FTCDNL1: variants seen among roughly 807,000 people sequenced by gnomAD.
FTCDNL1 encodes formiminotransferase cyclodeaminase N-terminal like.
In FTCDNL1, 11 loss-of-function variants were observed where a neutral mutation model predicts 5.9. The ratio of observed to expected loss-of-function variants is 1.87; its 90% CI spans 1.18 to 3.10. The LOEUF (loss-of-function observed/expected upper bound fraction) is 3.10. Ranked by LOEUF, FTCDNL1 falls within the 30% of genes most tolerant of loss-of-function variation. FTCDNL1 has a pLI of 0.00. For synonymous variants in FTCDNL1, 58 were observed against 24.8 expected, an observed-to-expected ratio of 2.34 and a Z score of -3.99; for missense variants, 115 against 65.5, an observed-to-expected ratio of 1.76 and a Z score of -2.61.
the FTCDNL1 span, among the ~76,000 whole-genome samples, chr2:199,683,301 C>T: frequency 6.6e-6 from 1 of 151,906 alleles, no homozygotes; most frequent in Non-Finnish European, 1.5e-5. Context: ...AAATAAAGAG[C>T]AGAGAGGACA....
chr2:199,798,261 T>C (rs898615962), intron 3 of FTCDNL1, among the ~76,000 whole-genome samples: 9 of 152,236 alleles, frequency 5.9e-5, no homozygotes, highest in Admixed American at 2.6e-4. Context: ...AATTCAGCTA[T>C]TGGTACATTA....
chr2:199,754,376 C>G, the FTCDNL1 span, among the ~76,000 whole-genome samples: 1 of 152,122 alleles, frequency 6.6e-6, no homozygotes, highest in African/African-American at 2.4e-5. Context: ...ATGGGCTGAA[C>G]TGTGGAAGTG....
chr2:199,780,549 C>T (rs1438173935), intron 3 of FTCDNL1, among the ~76,000 whole-genome samples: 3 of 152,334 alleles, frequency 2.0e-5, no homozygotes, highest in South Asian at 4.1e-4. Context: ...TGCTTCTCTT[C>T]CTGCTTCTGC....
intron 3 of FTCDNL1, among the ~76,000 whole-genome samples, chr2:199,795,898 T>A (rs906380988): frequency 3.3e-5 from 5 of 152,194 alleles, no homozygotes; most frequent in Non-Finnish European, 7.3e-5. Flanking sequence ...TCTCTTAATG[T>A]CAAGCTCTTA....
chr2:199,725,107 G>A, the FTCDNL1 span, among the ~76,000 whole-genome samples: 4 of 152,134 alleles, frequency 2.6e-5, no homozygotes, highest in Non-Finnish European at 2.9e-5. Context: ...AGCTCTTCTT[G>A]TTGAATTGAA....
chr2:199,842,246 C>T (rs538901206), intron 3 of FTCDNL1, among the ~76,000 whole-genome samples: 218 of 152,018 alleles, frequency 1.4e-3, no homozygotes, highest in Non-Finnish European at 2.6e-3. Context: ...CCACCCTGGG[C>T]GACAGAGCAA....
intron 3 of FTCDNL1, among the ~76,000 whole-genome samples, chr2:199,796,839 T>C (rs1421575216): frequency 6.6e-6 from 1 of 152,118 alleles, no homozygotes; most frequent in Non-Finnish European, 1.5e-5. Context: ...AAATATTTAA[T>C]AGTCTTTTAA....
intron 3 of FTCDNL1, among the ~76,000 whole-genome samples, chr2:199,775,760 C>A (rs183632079): frequency 6.6e-6 from 1 of 152,262 alleles, no homozygotes; most frequent in Admixed American, 6.5e-5. Flanking sequence ...GAAATGAGTA[C>A]CTCTTGAGGA....
intron 4 of FTCDNL1, chr2:199,818,282 A>G (rs1182839329): frequency 6.6e-6 from 1 of 152,230 alleles, no homozygotes; most frequent in Non-Finnish European, 1.5e-5. Flanking sequence ...GAGACAAATC[A>G]TGGGAAAATA....
chr2:199,776,846 T>C (rs116813327), intron 3 of FTCDNL1, among the ~76,000 whole-genome samples: 277 of 151,824 alleles, frequency 1.8e-3, no homozygotes, highest in Admixed American at 3.5e-3. Flanking sequence ...TCCCTATATA[T>C]ACACACACAC....
chr2:199,827,423 A>G (rs1702100846), intron 3 of FTCDNL1, among the ~76,000 whole-genome samples: 1 of 152,184 alleles, frequency 6.6e-6, no homozygotes, highest in African/African-American at 2.4e-5. Flanking sequence ...AGATTCAAAC[A>G]GGCCCCTATA....
At chr2:199,721,802 T>C in the FTCDNL1 span, among the ~76,000 whole-genome samples, 3 of 152,158 alleles carry the variant, frequency 2.0e-5, no homozygotes, top group Non-Finnish European at 4.4e-5. Context: ...TTCTTGACTA[T>C]TTAATAATCG....
chr2:199,769,115 G>A lies in FTCDNL1; in HGVS notation c.212-8280C>T, dbSNP rs191436500. Among the ~76,000 whole-genome samples, 13 of 152,214 alleles carry A rather than the reference G, an allele frequency of 8.5e-5. No individual in the cohort carries two copies. In the East Asian group the frequency reaches 2.5e-3, roughly 29 times the overall value. On this transcript the variant is annotated intron_variant, in intron 3 of 3. Coordinates refer to the FTCDNL1 transcript ENST00000416668. ...CATGCTGGTCTCTAGCTGTATCTCT[G>A]TGAGCATTCACATCTCCTGCTCTGC...
chr2:199,846,228 A>G, intron 2 of FTCDNL1, 58 bp from the exon 3 acceptor site: 2 of 639,892 alleles, frequency 3.1e-6, no homozygotes, highest in Non-Finnish European at 5.6e-6. Context: ...AAACCTTAAT[A>G]GTTAATTTCT....
intron 3 of FTCDNL1, among the ~76,000 whole-genome samples, chr2:199,793,787 A>G (rs1485789276): frequency 6.6e-6 from 1 of 152,198 alleles, no homozygotes; most frequent in Non-Finnish European, 1.5e-5. Context: ...TGTAATGTGA[A>G]TCCACTAAAA....
At chr2:199,804,842 A>T (rs1234195477), downstream of FTCDNL1, among the ~76,000 whole-genome samples, 2 of 152,196 alleles carry the variant, frequency 1.3e-5, no homozygotes, top group Non-Finnish European at 2.9e-5. Flanking sequence ...ATTTCAAAAG[A>T]GATCACAAAA....
intron 3 of FTCDNL1, chr2:199,844,551 G>GA (rs1294352171): frequency 5.5e-5 from 28 of 509,820 alleles, no homozygotes; most frequent in Non-Finnish European, 9.0e-5. Context: ...GCAAAATTGT[G>GA]AAAAACAATC....
intron 3 of FTCDNL1, among the ~76,000 whole-genome samples, chr2:199,769,308 C>T (rs944702354): frequency 2.0e-5 from 3 of 152,098 alleles, no homozygotes; most frequent in Non-Finnish European, 4.4e-5. Flanking sequence ...GTGGGCCAGG[C>T]GGAGATAATT....
At chr2:199,794,400 T>C (rs1447676828) in intron 3 of FTCDNL1, among the ~76,000 whole-genome samples, 2 of 152,194 alleles carry the variant, frequency 1.3e-5, no homozygotes, top group Admixed American at 1.3e-4. Context: ...GCCCAAAGAT[T>C]CCAAATGTAC....
Sources: gnomAD v4.1 joint callset for allele counts (sites outside exome capture counted in the v4.1 genomes callset) on GRCh38, gnomAD v4.1.1 for gene constraint, MANE v1.5 for transcripts, NCBI Gene and HGNC (gene_info 2026-07-23, HGNC 2026-07-21) for gene names.